SLC9A9: variants seen among roughly 807,000 people sequenced by gnomAD.
SLC9A9 encodes solute carrier family 9 member A9.
SLC9A9 carries 62 observed loss-of-function variants against 77.8 expected under a neutral mutation model. The ratio of observed to expected loss-of-function variants is 0.80; its 90% CI spans 0.65 to 0.98. The LOEUF is 0.98. Among genes scored for constraint, SLC9A9 ranks in the 50% least tolerant of loss-of-function variants. The pLI is 0.00. For missense variants in SLC9A9, 775 were observed against 774.9 expected (o/e 1.00, Z 0.00); for synonymous variants, 320 against 283.5 (o/e 1.13, Z -1.29).
chr3:143,461,527 A>G (rs2035191978), intron 12 of SLC9A9, among the ~76,000 whole-genome samples: 1 of 152,194 alleles, frequency 6.6e-6, no homozygotes, highest in Admixed American at 6.5e-5. Context: ...CTGTACACAC[A>G]GAATGCTCAA....
intron 11 of SLC9A9, among the ~76,000 whole-genome samples, chr3:143,469,648 A>G (rs2035343886): frequency 6.6e-6 from 1 of 152,204 alleles, no homozygotes. Flanking sequence ...TGCTGAGACT[A>G]TTCAAGAGAC....
chr3:143,275,861 T>C (rs1431638185), intron 14 of SLC9A9, among the ~76,000 whole-genome samples: 1 of 152,224 alleles, frequency 6.6e-6, no homozygotes, highest in Admixed American at 6.5e-5. Flanking sequence ...CCTCTATTCG[T>C]TTCTATTATT....
chr3:143,492,052 G>A (rs2035755542), intron 11 of SLC9A9, among the ~76,000 whole-genome samples: 1 of 152,060 alleles, frequency 6.6e-6, no homozygotes, highest in South Asian at 2.1e-4. Context: ...CAGCACTTTG[G>A]GAGGCCGGGG....
chr3:143,705,455 T>G (rs578261849), intron 4 of SLC9A9, among the ~76,000 whole-genome samples: 8 of 152,134 alleles, frequency 5.3e-5, no homozygotes, highest in African/African-American at 1.9e-4. Context: ...AAGGGTATAA[T>G]TGGATTATTT....
chr3:143,806,666 A>G (rs1465121281), intron 2 of SLC9A9, among the ~76,000 whole-genome samples: 1 of 151,526 alleles, frequency 6.6e-6, no homozygotes, highest in Non-Finnish European at 1.5e-5. Flanking sequence ...AATTGAAACA[A>G]TTGAACTCAT....
chr3:143,768,407 T>C (rs548354188), intron 4 of SLC9A9, among the ~76,000 whole-genome samples: 12 of 152,310 alleles, frequency 7.9e-5, no homozygotes, highest in African/African-American at 2.9e-4. Context: ...AGAAAGATTC[T>C]TCTATTTTGT....
intron 8 of SLC9A9, among the ~76,000 whole-genome samples, chr3:143,566,861 G>T (rs1424677802): frequency 6.6e-6 from 1 of 152,084 alleles, no homozygotes; most frequent in East Asian, 1.9e-4. Context: ...GACCCCCAAA[G>T]TCTCAGCTGG....
chr3:143,799,144 C>T (rs1381177925), intron 2 of SLC9A9, among the ~76,000 whole-genome samples: 1 of 152,184 alleles, frequency 6.6e-6, no homozygotes, highest in Non-Finnish European at 1.5e-5. Flanking sequence ...TATCCGACCT[C>T]TCCCAAATCA....
At chr3:143,735,441 G>A (rs571564823) in intron 4 of SLC9A9, among the ~76,000 whole-genome samples, 1 of 152,266 alleles carries the variant, frequency 6.6e-6, no homozygotes, top group African/African-American at 2.4e-5. Flanking sequence ...ATGAGCCTAG[G>A]AAAAGTAATG....
At chr3:143,424,271 C>CTTTT (rs34418520) in intron 12 of SLC9A9, among the ~76,000 whole-genome samples, 2 of 144,234 alleles carry the variant, frequency 1.4e-5, no homozygotes, top group South Asian at 2.2e-4. Context: ...TACTTGAAAC[C>CTTTT]TTTTTTTTTT....
chr3:143,685,849 G>T (rs2108776840), intron 5 of SLC9A9, among the ~76,000 whole-genome samples: 1 of 152,264 alleles, frequency 6.6e-6, no homozygotes, highest in Middle Eastern at 3.4e-3. Flanking sequence ...AGCTTGAAAT[G>T]CTCTGGAAAA....
chr3:143,743,460 C>A (rs1025937545), intron 4 of SLC9A9, among the ~76,000 whole-genome samples: 1 of 152,140 alleles, frequency 6.6e-6, no homozygotes, highest in East Asian at 1.9e-4. Context: ...ACCCAGCAGG[C>A]CACTGGTGTA....
At chr3:143,747,404 CAA>C (rs1003997379) in intron 4 of SLC9A9, among the ~76,000 whole-genome samples, 15 of 51,702 alleles carry the variant, frequency 2.9e-4, no homozygotes, top group Admixed American at 2.0e-4. Context: ...AACTCCATCT[CAA>C]AAAAAAAAAA....
chr3:143,448,798 A>G (rs933807154), intron 12 of SLC9A9, among the ~76,000 whole-genome samples: 2 of 138,468 alleles, frequency 1.4e-5, no homozygotes. Context: ...GCTTTAATAC[A>G]AATGTAAATA....
At chr3:143,484,749 TA>T (rs2035630712) in intron 11 of SLC9A9, among the ~76,000 whole-genome samples, 1 of 152,212 alleles carries the variant, frequency 6.6e-6, no homozygotes, top group Non-Finnish European at 1.5e-5. Context: ...TTGTGTCATG[TA>T]GATGAGAAGT....
intron 12 of SLC9A9, among the ~76,000 whole-genome samples, chr3:143,455,059 A>G (rs940865860): frequency 3.9e-5 from 6 of 152,224 alleles, no homozygotes; most frequent in Admixed American, 1.3e-4. Flanking sequence ...TGCAGTTCCA[A>G]GGATTATGCA....
chr3:143,736,599 G>T (rs1934946458), intron 4 of SLC9A9, among the ~76,000 whole-genome samples: 1 of 151,794 alleles, frequency 6.6e-6, no homozygotes. Flanking sequence ...TAAATTTCTG[G>T]GGTATTTTTT....
intron 11 of SLC9A9, among the ~76,000 whole-genome samples, chr3:143,482,853 A>C (rs1361217881): frequency 6.6e-6 from 1 of 152,120 alleles, no homozygotes; most frequent in South Asian, 2.1e-4. Context: ...TTTTGGTTTC[A>C]AGGGAACTGA....
intron 4 of SLC9A9, among the ~76,000 whole-genome samples, chr3:143,727,368 A>G (rs1413492322): frequency 6.6e-6 from 1 of 152,026 alleles, no homozygotes; most frequent in African/African-American, 2.4e-5. Flanking sequence ...AAAATCTTAT[A>G]AAACACTTTC....
Sources: allele counts gnomAD v4.1 joint callset (sites outside exome capture counted in the v4.1 genomes callset), GRCh38; gene constraint gnomAD v4.1.1; transcripts MANE v1.5; gene names NCBI Gene and HGNC (gene_info 2026-07-23, HGNC 2026-07-21).